The following GFRA1 variants were observed in gnomAD, a reference collection of about 807,000 sequenced individuals.
GFRA1 encodes GDNF family receptor alpha-1.
Under a neutral mutation model 51.6 loss-of-function variants are expected in GFRA1, and 16 were observed. The ratio of observed to expected loss-of-function variants is 0.31; its 90% CI spans 0.21 to 0.47. The LOEUF (loss-of-function observed/expected upper bound fraction) is 0.47, where lower values mean the gene tolerates loss of function less well. GFRA1 is among the 20% of genes least tolerant of loss of function. The pLI is 1.00. For missense variants in GFRA1, 530 were observed against 594.3 expected (o/e 0.89, Z 1.13); for synonymous variants, 270 against 241.3 (o/e 1.12, Z -1.10).
chr10:116,131,327 C>T (rs1210046391), intron 5 of GFRA1, among the ~76,000 whole-genome samples: 2 of 152,186 alleles, frequency 1.3e-5, no homozygotes. Context: ...AATGGTTCAA[C>T]CACTGTGGAA....
At chr10:116,103,588 G>C (rs1049891774) in intron 6 of GFRA1, among the ~76,000 whole-genome samples, 8 of 152,188 alleles carry the variant, frequency 5.3e-5, no homozygotes, top group African/African-American at 1.7e-4. Context: ...CAGGGACTTA[G>C]AGCAAAGGGA....
chr10:116,267,151 A>G (rs1436915538), intron 4 of GFRA1, among the ~76,000 whole-genome samples: 3 of 151,738 alleles, frequency 2.0e-5, no homozygotes, highest in African/African-American at 7.3e-5. Flanking sequence ...TAAAAAGAAA[A>G]GTTTTTAAAA....
At chr10:116,195,295 C>T (rs1963636591) in intron 5 of GFRA1, among the ~76,000 whole-genome samples, 1 of 152,146 alleles carries the variant, frequency 6.6e-6, no homozygotes, top group Admixed American at 6.5e-5. Flanking sequence ...CACAGCATGC[C>T]AGACTGCTAA....
At chr10:116,086,419 G>A (rs1308191700) in intron 9 of GFRA1, among the ~76,000 whole-genome samples, 1 of 152,192 alleles carries the variant, frequency 6.6e-6, no homozygotes, top group Non-Finnish European at 1.5e-5. Context: ...CTCAACTCCG[G>A]CAGCTAAGCC....
intron 5 of GFRA1, among the ~76,000 whole-genome samples, chr10:116,150,778 G>A (rs1405102252): frequency 3.3e-5 from 5 of 152,150 alleles, no homozygotes; most frequent in Admixed American, 2.0e-4. Context: ...ATCCCTACAC[G>A]TGATGTTAAC....
intron 5 of GFRA1, among the ~76,000 whole-genome samples, chr10:116,196,578 ATATATAG>A: frequency 2.4e-5 from 1 of 41,180 alleles, no homozygotes; most frequent in Non-Finnish European, 4.5e-5. Flanking sequence ...AATATATATA[ATATATAG>A]TACTATATAT....
At chr10:116,101,678 A>G (rs1956820880) in intron 6 of GFRA1, among the ~76,000 whole-genome samples, 1 of 152,180 alleles carries the variant, frequency 6.6e-6, no homozygotes, top group Non-Finnish European at 1.5e-5. Flanking sequence ...AGGTAAAAAC[A>G]TACCAGTAAT....
intron 5 of GFRA1, among the ~76,000 whole-genome samples, chr10:116,141,515 C>T (rs1358062618): frequency 6.9e-6 from 1 of 145,016 alleles, no homozygotes; most frequent in Non-Finnish European, 1.5e-5. Flanking sequence ...GCAGGGAAAC[C>T]GAGGGGGTTG....
intron 4 of GFRA1, among the ~76,000 whole-genome samples, chr10:116,250,620 CAA>C (rs2134689831): frequency 6.6e-6 from 1 of 152,320 alleles, no homozygotes; most frequent in African/African-American, 2.4e-5. Context: ...CACTCGAGCA[CAA>C]AGTCTCTGGT....
At chr10:116,194,587 C>T (rs1162910775) in intron 5 of GFRA1, among the ~76,000 whole-genome samples, 2 of 152,176 alleles carry the variant, frequency 1.3e-5, no homozygotes, top group African/African-American at 4.8e-5. Flanking sequence ...TACCCTACAT[C>T]TGTGGATTAC....
chr10:116,106,063 G>A (rs527493180), intron 6 of GFRA1, among the ~76,000 whole-genome samples: 1 of 152,284 alleles, frequency 6.6e-6, no homozygotes, highest in African/African-American at 2.4e-5. Context: ...GTGATGTCAT[G>A]TGAGACTCCA....
At chr10:116,225,490 AT>A (rs1362774376) in intron 4 of GFRA1, among the ~76,000 whole-genome samples, 2 of 131,398 alleles carry the variant, frequency 1.5e-5, no homozygotes, top group East Asian at 5.0e-4. Context: ...AGCCAAGGTC[AT>A]GCCACTGCAC....
chr10:116,093,350 A>C (rs944855880), intron 8 of GFRA1, among the ~76,000 whole-genome samples: 33 of 152,238 alleles, frequency 2.2e-4, no homozygotes, highest in African/African-American at 8.0e-4. Context: ...CAGGCTGCCA[A>C]GATCAAAATT....
At chr10:116,149,212 TC>T (rs1222632346) in intron 5 of GFRA1, among the ~76,000 whole-genome samples, 1 of 152,234 alleles carries the variant, frequency 6.6e-6, no homozygotes, top group Admixed American at 6.5e-5. Context: ...AAGTCATTAC[TC>T]TTTATCTCCT....
At chr10:116,201,027 C>G (rs747150086) in intron 5 of GFRA1, among the ~76,000 whole-genome samples, 1 of 152,194 alleles carries the variant, frequency 6.6e-6, no homozygotes, top group Non-Finnish European at 1.5e-5. Context: ...TGCTATTTCT[C>G]TGCTTAAAGA....
At chr10:116,264,628 G>A (rs1217448040) in intron 4 of GFRA1, among the ~76,000 whole-genome samples, 1 of 152,178 alleles carries the variant, frequency 6.6e-6, no homozygotes, top group Non-Finnish European at 1.5e-5. Flanking sequence ...ATTTGATCTT[G>A]GTCTTAAAGA....
intron 4 of GFRA1, among the ~76,000 whole-genome samples, chr10:116,222,434 G>A (rs1057129706): frequency 6.6e-6 from 1 of 152,126 alleles, no homozygotes; most frequent in Non-Finnish European, 1.5e-5. Flanking sequence ...CCTGACCTCA[G>A]GTGATCCGCC....
intron 5 of GFRA1, among the ~76,000 whole-genome samples, chr10:116,156,331 C>T (rs954983790): frequency 3.9e-5 from 6 of 152,162 alleles, no homozygotes; most frequent in East Asian, 1.9e-4. Flanking sequence ...TGGGTTTAAA[C>T]GATTTTCTTC....
At chr10:116,211,525 T>C in intron 5 of GFRA1, 106 bp downstream of exon 5, 2 of 1,039,726 alleles carry the variant, frequency 1.9e-6, no homozygotes, top group South Asian at 2.8e-5. Context: ...CTAAATGACA[T>C]GTCCATAGAG....
Sources: gnomAD v4.1 joint callset for allele counts (sites outside exome capture counted in the v4.1 genomes callset) on GRCh38, gnomAD v4.1.1 for gene constraint, MANE v1.5 for transcripts, NCBI Gene and HGNC (gene_info 2026-07-23, HGNC 2026-07-21) for gene names.